Variants in DLGAP2 observed in about 807,000 individuals in gnomAD.
DLGAP2 encodes the protein DLG associated protein 2.
In DLGAP2, 26 loss-of-function variants were observed where a neutral mutation model predicts 100.3. The observed-to-expected ratio is 0.26, with a 90% CI of 0.19 to 0.36. DLGAP2 has a LOEUF of 0.36. DLGAP2 is among the 10% of genes least tolerant of loss of function. DLGAP2 has a pLI of 1.00. For synonymous variants in DLGAP2, 886 were observed against 630.1 expected (o/e 1.41, Z -6.08); for missense variants, 1,858 against 1,453.2 (o/e 1.28, Z -4.53).
At chr8:1,488,577 GC>G (rs1292686821) in intron 3 of DLGAP2, among the ~76,000 whole-genome samples, 1 of 152,152 alleles carries the variant, frequency 6.6e-6, no homozygotes, top group Non-Finnish European at 1.5e-5. Context: ...AGCTGCCCAG[GC>G]CAAGAGGTGA....
chr8:1,698,118 T>C (rs1799450982), intron 14 of DLGAP2, among the ~76,000 whole-genome samples: 1 of 152,220 alleles, frequency 6.6e-6, no homozygotes, highest in Non-Finnish European at 1.5e-5. Flanking sequence ...CTAGTGGTCA[T>C]CATCATCGGC....
intron 3 of DLGAP2, among the ~76,000 whole-genome samples, chr8:1,434,868 C>G (rs1419505198): frequency 6.6e-6 from 1 of 152,206 alleles, no homozygotes; most frequent in Non-Finnish European, 1.5e-5. Context: ...CCTCCCCTCC[C>G]TCCTCCATGG....
intron 3 of DLGAP2, among the ~76,000 whole-genome samples, chr8:1,277,465 G>A (rs562928990): frequency 7.2e-4 from 110 of 152,252 alleles, no homozygotes; most frequent in African/African-American, 2.4e-3. Context: ...GATGTGTGGG[G>A]TCAAATGGGA....
intron 3 of DLGAP2, among the ~76,000 whole-genome samples, chr8:1,467,336 C>G (rs1406192271): frequency 6.6e-6 from 1 of 151,988 alleles, no homozygotes; most frequent in Non-Finnish European, 1.5e-5. Context: ...TCAGACCCAT[C>G]CCCATGTGAC....
intron 2 of DLGAP2, among the ~76,000 whole-genome samples, chr8:1,210,205 G>T (rs1585155184): frequency 6.6e-6 from 1 of 152,104 alleles, no homozygotes; most frequent in Non-Finnish European, 1.5e-5. Flanking sequence ...CATGTGACAA[G>T]GGTCCCATCC....
intron 3 of DLGAP2, among the ~76,000 whole-genome samples, chr8:1,345,430 A>C (rs1391642957): frequency 6.6e-6 from 1 of 152,244 alleles, no homozygotes; most frequent in Non-Finnish European, 1.5e-5. Flanking sequence ...AATCTAAATA[A>C]ACTACGTCTA....
chr8:1,033,802 G>A (rs1231037355), intron 2 of DLGAP2, among the ~76,000 whole-genome samples: 4 of 142,162 alleles, frequency 2.8e-5, no homozygotes, highest in East Asian at 2.2e-4. Context: ...TCCCGACCCC[G>A]CGTGTCACCG....
intron 1 of DLGAP2, among the ~76,000 whole-genome samples, chr8:907,219 G>A (rs969612521): frequency 6.6e-6 from 1 of 152,214 alleles, no homozygotes; most frequent in Non-Finnish European, 1.5e-5. Flanking sequence ...ATCGTGTGGA[G>A]TATTTAGGAT....
At chr8:1,180,632 G>A (rs1040762263) in intron 2 of DLGAP2, among the ~76,000 whole-genome samples, 5 of 152,154 alleles carry the variant, frequency 3.3e-5, no homozygotes, top group African/African-American at 7.2e-5. Context: ...ACCATCAAGC[G>A]TGTCAGTGTG....
chr8:1,340,522 C>T (rs1801394600), intron 3 of DLGAP2, among the ~76,000 whole-genome samples: 1 of 152,182 alleles, frequency 6.6e-6, no homozygotes, highest in South Asian at 2.1e-4. Flanking sequence ...TCAAAACCAC[C>T]ATGAGATGCC....
intron 4 of DLGAP2, among the ~76,000 whole-genome samples, chr8:1,506,648 T>C (rs1799931352): frequency 1.3e-5 from 2 of 152,230 alleles, no homozygotes; most frequent in Non-Finnish European, 2.9e-5. Flanking sequence ...TTTATTCCCT[T>C]ATCTGGCCCC....
At chr8:1,295,382 C>G (rs1031044607) in intron 3 of DLGAP2, among the ~76,000 whole-genome samples, 3 of 152,244 alleles carry the variant, frequency 2.0e-5, no homozygotes, top group Non-Finnish European at 2.9e-5. Context: ...AGGCTCTGCC[C>G]TCCTTGGTGG....
At chr8:916,829 G>T (rs1798604009) in intron 2 of DLGAP2, among the ~76,000 whole-genome samples, 1 of 152,176 alleles carries the variant, frequency 6.6e-6, no homozygotes, top group Admixed American at 6.5e-5. Context: ...GTGCATCTTG[G>T]TTTGGGAATT....
At chr8:1,231,513 A>G (rs1406723367) in intron 2 of DLGAP2, among the ~76,000 whole-genome samples, 1 of 152,216 alleles carries the variant, frequency 6.6e-6, no homozygotes, top group Non-Finnish European at 1.5e-5. Flanking sequence ...AAATTGTGCT[A>G]TTGAAAAGAC....
chr8:1,129,618 G>T (rs565971970), intron 2 of DLGAP2, among the ~76,000 whole-genome samples: 2 of 152,286 alleles, frequency 1.3e-5, no homozygotes, highest in African/African-American at 2.4e-5. Flanking sequence ...TGCCAGTGTT[G>T]CCTCGTAGGT....
At chr8:1,653,266 C>G (rs1798208003) in intron 8 of DLGAP2, among the ~76,000 whole-genome samples, 1 of 149,666 alleles carries the variant, frequency 6.7e-6, no homozygotes, top group South Asian at 2.2e-4. Flanking sequence ...CCTGGAGACA[C>G]TGGCATTGCA....
intron 3 of DLGAP2, among the ~76,000 whole-genome samples, chr8:1,333,987 A>C (rs556511643): frequency 9.2e-5 from 14 of 152,346 alleles, no homozygotes; most frequent in African/African-American, 3.1e-4. Flanking sequence ...CGTGCTCCGC[A>C]ACTGAGGGCA....
intron 3 of DLGAP2, among the ~76,000 whole-genome samples, chr8:1,289,563 A>G (rs1446672766): frequency 1.3e-5 from 2 of 152,240 alleles, no homozygotes; most frequent in Non-Finnish European, 2.9e-5. Context: ...GGATGCCAGC[A>G]GCTTTGCCAT....
At chr8:1,204,460 T>A (rs1797947852) in intron 2 of DLGAP2, among the ~76,000 whole-genome samples, 1 of 152,240 alleles carries the variant, frequency 6.6e-6, no homozygotes, top group Admixed American at 6.5e-5. Flanking sequence ...AATGACCGTG[T>A]GTGGTCTTGA....
Sources: allele counts gnomAD v4.1 joint callset (sites outside exome capture counted in the v4.1 genomes callset), GRCh38; gene constraint gnomAD v4.1.1; transcripts MANE v1.5; gene names NCBI Gene and HGNC (gene_info 2026-07-23, HGNC 2026-07-21).